The following ATXN7 variants were observed in gnomAD, a reference collection of about 807,000 sequenced individuals.
ATXN7 encodes the protein ataxin-7.
A neutral mutation model predicts 70.5 loss-of-function variants in ATXN7; 12 were observed. That is an observed-to-expected ratio of 0.17 (90% CI 0.11 to 0.28). The LOEUF (loss-of-function observed/expected upper bound fraction) is 0.28. Ranked by LOEUF, ATXN7 falls within the 10% of genes least tolerant of loss-of-function variation. ATXN7 has a pLI of 1.00. For synonymous variants in ATXN7, 498 were observed against 448.7 expected (o/e 1.11, Z -1.39); for missense variants, 1,256 against 1,131.7 (o/e 1.11, Z -1.58).
Position 63,935,291 on chromosome 3 carries a change from C to G in ATXN7, c.395-17088C>G, listed in dbSNP as rs2107349872. On this transcript the variant is annotated intron_variant, in intron 4 of 12. Coordinates refer to ENST00000674280, the MANE Select transcript of ATXN7 (RefSeq NM_001377405.1). Reference sequence around the variant, plus strand: ...ACCAAGGGGAGCACTGTCTCCCTATCTTGAGTTTCACTGGTATTGCACAGT... The same window carrying G: ...ACCAAGGGGAGCACTGTCTCCCTATGTTGAGTTTCACTGGTATTGCACAGT... 2.0e-5 allele frequency among the ~76,000 whole-genome samples: 3 copies of G among 152,322 alleles called. No homozygotes were observed. In the Middle Eastern group the frequency reaches 0.01, roughly 518 times the overall value.
intron 4 of ATXN7, among the ~76,000 whole-genome samples, chr3:63,952,097 A>G (rs563093598): frequency 6.6e-6 from 1 of 152,320 alleles, no homozygotes; most frequent in Admixed American, 6.5e-5. Context: ...CTCTTGGTAG[A>G]GTTCATCTAA....
chr3:63,999,315 TC>T (rs1248948666), intron 12 of ATXN7, 134 bp from the exon 13 acceptor site: 25 of 707,544 alleles, frequency 3.5e-5, no homozygotes, highest in South Asian at 5.2e-5. Flanking sequence ...AGCTGACTGT[TC>T]CTGGTGTCAC....
chr3:63,964,266 T>C (rs931160431), intron 5 of ATXN7, among the ~76,000 whole-genome samples: 1 of 152,232 alleles, frequency 6.6e-6, no homozygotes, highest in Non-Finnish European at 1.5e-5. Flanking sequence ...GGGAAGTTTC[T>C]ATTCATTCTG....
chr3:63,930,899 A>G (rs1182853240), intron 4 of ATXN7, among the ~76,000 whole-genome samples: 1 of 152,120 alleles, frequency 6.6e-6, no homozygotes, highest in Non-Finnish European at 1.5e-5. Flanking sequence ...AAGTTTTAGG[A>G]CACTAGACAG....
Position 63,980,154 on chromosome 3 carries a change from C to G in ATXN7, c.739C>G (p.Pro247Ala). ...PMHPIQQSRV[P>A]HGRIMTPSVK... ...GCATCCCATTCAGCAAAGTAGAGTT[C>G]CCCATGGTAGAATGTGAGTATGGCC... is the stretch of plus-strand genomic sequence containing the variant. Residue 247 changes from proline (P) to alanine (A), a missense_variant, in exon 6 of 13, where the codon CCC becomes GCC. Transcript: ENST00000674280. 1 of 1,614,144 alleles carries G rather than the reference C, an allele frequency of 6.2e-7. No homozygotes were observed. The highest frequency in any genetic ancestry group is 1.1e-5 in the South Asian group (1 of 91,080).
At chr3:63,993,248 A>G (rs1332158089) in intron 11 of ATXN7, among the ~76,000 whole-genome samples, 1 of 145,640 alleles carries the variant, frequency 6.9e-6, no homozygotes, top group Non-Finnish European at 1.5e-5. Flanking sequence ...AGGGGCTGGG[A>G]TGGTTTTCAA....
Position 63,996,166 on chromosome 3 carries a change from G to T in ATXN7, c.2344G>T (p.Gly782Trp). The change falls in exon 12 of 13, where the codon GGG becomes TGG. Residue 782 changes from glycine (G) to tryptophan (W), a missense_variant. Coordinates refer to ENST00000674280, the MANE Select transcript of ATXN7 (RefSeq NM_001377405.1). ...CCAGTCAGGGAGGGGCCCCCCCACC[G>T]GGAGCCCTGCTGAATCCATCAAGAG... ...HDQSGRGPPT[G>W]SPAESIKRMS... The T allele has an allele frequency of 6.2e-7, 1 of 1,614,136 alleles. No individual in the cohort carries two copies. Among genetic ancestry groups the T allele is most frequent in the Non-Finnish European group, 8.5e-7 (1 of 1,180,036 alleles).
intron 4 of ATXN7, among the ~76,000 whole-genome samples, chr3:63,948,951 G>A (rs931479292): frequency 1.3e-5 from 2 of 152,108 alleles, no homozygotes; most frequent in African/African-American, 2.4e-5. Flanking sequence ...CATAATTAAT[G>A]GCCTAAGTTG....
rs1245705101 is a variant in ATXN7 at position 63,988,054 on chromosome 3, C to G, written c.1096-5C>G. On this transcript the variant is annotated splice_region_variant and splice_polypyrimidine_tract_variant and intron_variant, in intron 8 of 12. Transcript: ENST00000674280. The stretch of plus-strand genomic sequence containing the variant: ...CCTCAGTTTCTGTATTTTTTTGGTC[C>G]ACAGACACATTCCTTAACCCAGCGC... 4 of 1,611,210 alleles carry G rather than the reference C, an allele frequency of 2.5e-6. No homozygotes were observed. The African/African-American group carries it at 5.4e-5, about 22-fold the overall frequency.
rs151039428 is a variant in ATXN7 at position 63,867,880 on chromosome 3, GAAAT to G, written c.-111+3737_-111+3740del. ...AGCCTGGGCAACAGAGTAAGACACT[GAAAT>G]AAATAAATAAATAACAAACAAATAA... On this transcript the variant is annotated intron_variant, in intron 1 of 12. Coordinates refer to ENST00000674280, the MANE Select transcript of ATXN7 (RefSeq NM_001377405.1). Among the ~76,000 whole-genome samples, 837 of 152,122 alleles carry G rather than the reference GAAAT, an allele frequency of 5.5e-3. 8 individuals carry two copies. The highest frequency in any genetic ancestry group is 0.019 in the African/African-American group (782 of 41,474).
intron 1 of ATXN7, among the ~76,000 whole-genome samples, chr3:63,866,494 G>A (rs769002313): frequency 5.9e-5 from 9 of 152,108 alleles, no homozygotes; most frequent in Admixed American, 1.3e-4. Context: ...GGGCTCAAGC[G>A]ATCCTCCCGC....
rs780212405 is a variant in ATXN7, at chr3:63,999,496, T to C, written c.*29T>C. On this transcript the variant is annotated 3_prime_UTR_variant, in exon 13 of 13. Coordinates refer to ENST00000674280, the MANE Select transcript of ATXN7 (RefSeq NM_001377405.1). ...CTGAAAATAGCACGGGGAGGAATAA[T>C]GCGGACACTTTTGAGGACAAGTTAC... 2.5e-6 allele frequency: 4 copies of C among 1,613,344 alleles called. No individual in the cohort carries two copies. The highest frequency in any genetic ancestry group is 2.2e-5 in the East Asian group (1 of 44,852).
intron 5 of ATXN7, chr3:63,968,354 C>G (rs987561007): frequency 1.1e-4 from 20 of 186,736 alleles, no homozygotes; most frequent in African/African-American, 4.6e-4. Context: ...GAGGTTTGCA[C>G]CAAACAGTTC....
At chr3:63,997,550 G>A (rs1369838380) in intron 12 of ATXN7, 2 of 1,324,558 alleles carry the variant, frequency 1.5e-6, no homozygotes, top group Admixed American at 2.0e-5. Context: ...GACCTCACCT[G>A]TAGCTGTTTC....
intron 4 of ATXN7, among the ~76,000 whole-genome samples, chr3:63,925,550 C>T (rs1381339924): frequency 2.0e-5 from 3 of 152,160 alleles, no homozygotes; most frequent in Non-Finnish European, 2.9e-5. Flanking sequence ...CCCCTGACCC[C>T]CCCAACCCTG....
intron 4 of ATXN7, among the ~76,000 whole-genome samples, chr3:63,925,698 C>A (rs184911670): frequency 3.0e-4 from 46 of 152,172 alleles, no homozygotes; most frequent in African/African-American, 1.1e-3. Flanking sequence ...GAGTGTGTGC[C>A]CAGAAAATCA....
chr3:63,941,773 A>G (rs912498637), intron 4 of ATXN7, among the ~76,000 whole-genome samples: 3 of 152,104 alleles, frequency 2.0e-5, no homozygotes, highest in Non-Finnish European at 4.4e-5. Flanking sequence ...ATCTTTAATT[A>G]TTGGAGTAGA....
intron 11 of ATXN7, 118 bp downstream of exon 11, chr3:63,990,977 C>A: frequency 6.8e-7 from 1 of 1,481,354 alleles, no homozygotes; most frequent in Non-Finnish European, 9.2e-7. Flanking sequence ...TGGCCTTTGG[C>A]CCTGAGAAGA....
rs778107348 is a variant in ATXN7 at position 63,969,762 on chromosome 3, A to AGGC, written c.500-10152_500-10150dup. ...ACTACAGATAGTATAACAAATTGGA[A>AGGC]GGCTATCCTTATAAAGGTAAATTGC... On this transcript the variant is annotated intron_variant, in intron 5 of 12. Coordinates refer to ENST00000674280, the MANE Select transcript of ATXN7 (RefSeq NM_001377405.1). 2.0e-5 allele frequency among the ~76,000 whole-genome samples: 3 copies of AGGC among 152,300 alleles called. No homozygotes were observed. The East Asian group carries it at 5.8e-4, about 29-fold the overall frequency.
Sources: allele counts gnomAD v4.1 joint callset (sites outside exome capture counted in the v4.1 genomes callset), GRCh38; gene constraint gnomAD v4.1.1; transcripts MANE v1.5; gene names NCBI Gene and HGNC (gene_info 2026-07-23, HGNC 2026-07-21).